The following CNGB1 variants were observed in gnomAD, a reference collection of about 807,000 sequenced individuals.
The protein encoded by CNGB1 is cyclic nucleotide gated channel subunit beta 1.
In CNGB1, 126 loss-of-function variants were observed where a neutral mutation model predicts 151.7. The observed-to-expected ratio is 0.83, with a 90% CI of 0.72 to 0.96. CNGB1 has a LOEUF of 0.96. Ranked by LOEUF, CNGB1 falls within the 40% of genes least tolerant of loss-of-function variation. The pLI is 0.00. For missense variants in CNGB1, 1,698 were observed against 1,627.0 expected, an observed-to-expected ratio of 1.04 and a Z score of -0.75; for synonymous variants, 623 against 635.1, an observed-to-expected ratio of 0.98 and a Z score of 0.29.
intron 12 of CNGB1, among the ~76,000 whole-genome samples, chr16:57,952,164 C>A (rs748368516): frequency 3.3e-5 from 5 of 152,244 alleles, no homozygotes; most frequent in Non-Finnish European, 4.4e-5. Context: ...TGCCTGACAG[C>A]ACGTGAGCTT....
chr16:57,950,238 TG>T, intron 13 of CNGB1, 142 bp downstream of exon 13: 1 of 963,752 alleles, frequency 1.0e-6, no homozygotes, highest in Non-Finnish European at 1.6e-6. Context: ...ATTCTACCCA[TG>T]GGAGAAGGAT....
intron 29 of CNGB1, 62 bp from the exon 30 acceptor site, chr16:57,897,976 G>T: frequency 6.4e-7 from 1 of 1,566,336 alleles, no homozygotes; most frequent in Non-Finnish European, 8.8e-7. Flanking sequence ...GAAGCAGCCA[G>T]GGCTGGATCC....
At chr16:57,938,221 C>T in intron 16 of CNGB1, among the ~76,000 whole-genome samples, 1 of 152,240 alleles carries the variant, frequency 6.6e-6, no homozygotes, top group African/African-American at 2.4e-5. Flanking sequence ...TGAACCAAGC[C>T]TGCACCTGTT....
intron 17 of CNGB1, 72 bp downstream of exon 17, chr16:57,931,644 C>CA: frequency 6.4e-7 from 1 of 1,550,514 alleles, no homozygotes; most frequent in Non-Finnish European, 8.8e-7. Flanking sequence ...CCTCTGGCCT[C>CA]AGTCTCTTCA....
At chr16:57,899,718 C>T (rs1353147731) in intron 29 of CNGB1, among the ~76,000 whole-genome samples, 1 of 152,142 alleles carries the variant, frequency 6.6e-6, no homozygotes, top group Non-Finnish European at 1.5e-5. Context: ...ACACTTTTGA[C>T]TTATTTGACA....
chr16:57,963,845 T>C (rs1341449776), intron 4 of CNGB1: 3 of 509,560 alleles, frequency 5.9e-6, no homozygotes, highest in African/African-American at 5.7e-5. Context: ...AACAGTCTAA[T>C]GAATGAATGA....
chr16:57,967,626 G>T (rs11645665), intron 1 of CNGB1, among the ~76,000 whole-genome samples: 86,656 of 151,888 alleles, frequency 0.57, 25,826 homozygotes, highest in Non-Finnish European at 0.67. Flanking sequence ...AGCCTAGGAG[G>T]TCGAGGCAGC....
chr16:57,960,911 C>T lies in CNGB1; in HGVS notation c.463G>A (p.Gly155Arg). The T allele has an allele frequency of 6.2e-7, 1 of 1,614,176 alleles. No individual in the cohort carries two copies. Among genetic ancestry groups the T allele is most frequent in the Non-Finnish European group, 8.5e-7 (1 of 1,180,020 alleles). ...TCCAGCCACAGAAGCAGCCGCAGCC[C>T]AGGCCTGCAGAGGGGCCAGTGATCA... ...EALEAQDTRP[G>R]LRLLLWLEQN... Residue 155 changes from glycine to arginine, a missense_variant, in exon 8 of 33, where the codon GGG (glycine) becomes AGG (arginine). Gly to Arg is a moderately radical substitution (Grantham distance 125, BLOSUM62 -2). Transcript: ENST00000251102.
At chr16:57,937,915 C>T (rs1219546705) in intron 16 of CNGB1, among the ~76,000 whole-genome samples, 2 of 152,206 alleles carry the variant, frequency 1.3e-5, no homozygotes, top group African/African-American at 4.8e-5. Context: ...TTAAATCTCC[C>T]CAGGTGATTC....
rs377751161 is a variant in CNGB1, at chr16:57,967,331, C to T, written c.-8-37G>A. The T allele has an allele frequency of 1.6e-5, 25 of 1,598,882 alleles. 1 individual carries two copies. The highest frequency in any genetic ancestry group is 2.1e-5 in the Non-Finnish European group (24 of 1,166,474). ...AGAGTCCTTAGCCCTCCCTGGAGCACTCACAGTAGCTCCCGCCACTTATGG... is the reference window on the plus strand; with the variant it reads ...AGAGTCCTTAGCCCTCCCTGGAGCATTCACAGTAGCTCCCGCCACTTATGG... On this transcript the variant is annotated intron_variant, in intron 1 of 32. Coordinates refer to ENST00000251102, the MANE Select transcript of CNGB1 (RefSeq NM_001297.5).
intron 31 of CNGB1, among the ~76,000 whole-genome samples, chr16:57,888,601 A>C (rs1360544964): frequency 6.6e-6 from 1 of 152,088 alleles, no homozygotes; most frequent in African/African-American, 2.4e-5. Context: ...CTGGAACTAC[A>C]GGTATGCACC....
rs756293354 is a variant in CNGB1, at chr16:57,959,990, G to A, written c.659C>T (p.Pro220Leu). 9 of 1,589,988 alleles carry A rather than the reference G, an allele frequency of 5.7e-6. No individual in the cohort carries two copies. In the African/African-American group the frequency reaches 9.4e-5, roughly 17 times the overall value. Residue 220 changes from proline (P) to leucine (L), a missense_variant, in exon 10 of 33, where the codon CCC (proline) becomes CTC (leucine). By Grantham distance (98) the Pro-to-Leu change is moderately conservative. Transcript: ENST00000251102. ...CTTGGGTTCCTCCTTGGGCTGCAGGGGGATGGGTGTGGGCAGGGAGGGGGT... is the reference window on the plus strand; with the variant it reads ...CTTGGGTTCCTCCTTGGGCTGCAGGAGGATGGGTGTGGGCAGGGAGGGGGT... ...RETPSLPTPI[P>L]LQPKEEPKEA...
chr16:57,921,936 G>T (rs1365951593), intron 18 of CNGB1, among the ~76,000 whole-genome samples: 5 of 152,176 alleles, frequency 3.3e-5, no homozygotes, highest in Non-Finnish European at 7.4e-5. Flanking sequence ...AGCCTAGCCT[G>T]CCTAGCTAAT....
intron 31 of CNGB1, among the ~76,000 whole-genome samples, chr16:57,893,387 G>T (rs144211530): frequency 6.6e-6 from 1 of 152,248 alleles, no homozygotes; most frequent in East Asian, 1.9e-4. Context: ...CTCCTAAAGT[G>T]CTGGGATTAC....
intron 24 of CNGB1, among the ~76,000 whole-genome samples, chr16:57,912,672 GTGT>G (rs1363038361): frequency 8.0e-5 from 12 of 150,938 alleles, no homozygotes; most frequent in African/African-American, 2.2e-4. Flanking sequence ...GTGTTTGTGT[GTGT>G]TGTTTTGTGT....
Position 57,959,933 on chromosome 16 carries a change from G to A in CNGB1, c.716C>T (p.Ser239Phe), listed in dbSNP as rs760431458. Residue 239 changes from serine (S) to phenylalanine (F), a missense_variant, in exon 10 of 33, where the codon TCC becomes TTC. By Grantham distance (155) the Ser-to-Phe change is radical (BLOSUM62 -2). Transcript: ENST00000251102. ...TGGCAGGGAGGAGGTCTGGGCCTGG[G>A]AGCCGGGCTGGGGCTCTGGAGCTGG... The part of the protein sequence containing the change: ...EAPAPEPQPG[S>F]QAQTSSLPPT... 3 of 1,582,064 alleles carry A rather than the reference G, an allele frequency of 1.9e-6. No homozygotes were observed. Among genetic ancestry groups the A allele is most frequent in the South Asian group, 2.3e-5 (2 of 86,746 alleles).
At chr16:57,923,213 C>A in intron 18 of CNGB1, 60 bp downstream of exon 18, 1 of 1,302,262 alleles carries the variant, frequency 7.7e-7, no homozygotes, top group Non-Finnish European at 1.1e-6. Flanking sequence ...CACTAGCCCC[C>A]CCACATCCCC....
chr16:57,912,830 G>GT lies in CNGB1; in HGVS notation c.2369+99dup. 2.5e-6 allele frequency: 3 copies of GT among 1,202,466 alleles called. No homozygotes were observed. The South Asian group carries it at 3.7e-5, about 15-fold the overall frequency. The allele number at this position is 1,202,466 out of a possible 1,614,324, so 74.5% of individuals were successfully genotyped here. On this transcript the variant is annotated intron_variant, in intron 24 of 32. Coordinates refer to ENST00000251102, the MANE Select transcript of CNGB1 (RefSeq NM_001297.5). The stretch of plus-strand genomic sequence containing the variant: ...TGTGTGTTGTGTGTGTCGTGTGTGT[G>GT]TTGTGTGTGTGTCATCTGTGTTGTG...
At chr16:57,911,958 TGGCTG>T in intron 24 of CNGB1, 83 bp from the exon 25 acceptor site, 1 of 1,572,188 alleles carries the variant, frequency 6.4e-7, no homozygotes, top group Non-Finnish European at 8.7e-7. Flanking sequence ...AGCCAACCCA[TGGCTG>T]GGCTGGCCCG....
Sources: allele counts gnomAD v4.1 joint callset (sites outside exome capture counted in the v4.1 genomes callset), GRCh38; gene constraint gnomAD v4.1.1; transcripts MANE v1.5; gene names NCBI Gene and HGNC (gene_info 2026-07-23, HGNC 2026-07-21).